LAMA1: variants seen among roughly 807,000 people sequenced by gnomAD.
LAMA1 encodes the protein laminin subunit alpha-1.
Under a neutral mutation model 348.7 loss-of-function variants are expected in LAMA1, and 219 were observed. The observed-to-expected ratio is 0.63, with a 90% CI of 0.56 to 0.70. The LOEUF (loss-of-function observed/expected upper bound fraction) is 0.70. LAMA1 is among the 30% of genes least tolerant of loss of function. The pLI, the probability that LAMA1 is intolerant of heterozygous loss-of-function variation, is 0.00. For synonymous variants in LAMA1, 1,487 were observed against 1,491.0 expected (o/e 1.00, Z 0.06); for missense variants, 3,744 against 3,888.0 (o/e 0.96, Z 0.99).
chr18:7,117,758 G>A lies in LAMA1; in HGVS notation c.-38C>T. The A allele has an allele frequency of 6.3e-7, 1 of 1,574,916 alleles. No individual in the cohort carries two copies. The highest frequency in any genetic ancestry group is 8.6e-7 in the Non-Finnish European group (1 of 1,164,624). On this transcript the variant is annotated 5_prime_UTR_variant, in exon 1 of 63. Transcript: ENST00000389658. ...GCCACTCGGTGGGTCTGGGGAGAAA[G>A]CCGCGCGCCCGCCTGGAACGCTCCA...
At chr18:6,969,143 CTTT>C (rs879261462) in intron 48 of LAMA1, among the ~76,000 whole-genome samples, 1 of 147,100 alleles carries the variant, frequency 6.8e-6, no homozygotes, top group African/African-American at 2.5e-5. Flanking sequence ...TCCAGATGCA[CTTT>C]TTTTTTTTTG....
In LAMA1 at chr18:6,999,892, T is replaced by G. The variant is rs1828894714; in HGVS notation, c.4469+19A>C. 1 of 1,609,404 alleles carries G rather than the reference T, an allele frequency of 6.2e-7. No homozygotes were observed. Among genetic ancestry groups the G allele is most frequent in the African/African-American group, 1.3e-5 (1 of 74,812 alleles). On this transcript the variant is annotated intron_variant, in intron 31 of 62. Transcript: ENST00000389658. The stretch of plus-strand genomic sequence containing the variant: ...AACAGAGTGCCCAGGGATTTCCACA[T>G]GACAATCCACCCATGTACCTTTCAC...
intron 34 of LAMA1, among the ~76,000 whole-genome samples, chr18:6,994,286 C>T (rs1600379496): frequency 1.3e-5 from 2 of 152,158 alleles, no homozygotes; most frequent in Non-Finnish European, 1.5e-5. Flanking sequence ...CTACACAAGA[C>T]GAGAGCCAGG....
In LAMA1 at chr18:7,015,744, T is replaced by C; in HGVS notation, c.3104A>G (p.Tyr1035Cys). 6.2e-7 allele frequency: 1 copy of C among 1,614,110 alleles called. No homozygotes were observed. Among genetic ancestry groups the C allele is most frequent in the Non-Finnish European group, 8.5e-7 (1 of 1,180,018 alleles). The change falls in exon 22 of 63, where the codon TAC becomes TGC. Residue 1035 changes from tyrosine to cysteine, a missense_variant. By Grantham distance (194) the Tyr-to-Cys change is radical. This residue lies in a region of LAMA1 where 1,529 missense variants were observed against 1,689.4 expected (regional missense o/e 0.91). Transcript: ENST00000389658. ...CEECEDGHWG[Y>C]DAEVGCQACN... is the part of the protein sequence containing the mutation. ...CACCTGGCACCCCACCTCCGCATCG[T>C]AGCCCCAGTGCCCATCCTCACATTC...
At position 7,023,144 on chromosome 18, in the gene LAMA1, C is replaced by A; in HGVS notation, c.2701+20G>T. 1.2e-6 allele frequency: 2 copies of A among 1,606,852 alleles called. No individual in the cohort carries two copies. The highest frequency in any genetic ancestry group is 1.7e-6 in the Non-Finnish European group (2 of 1,177,246). On this transcript the variant is annotated intron_variant, in intron 19 of 62. Transcript: ENST00000389658. ...CTATGGCAATAAACAGCTGACCTGA[C>A]TTCACGCTCACGCACTCACCGCGGC...
At chr18:7,002,501 C>T in intron 29 of LAMA1, 116 bp from the exon 30 acceptor site, 1 of 1,172,212 alleles carries the variant, frequency 8.5e-7, no homozygotes. Flanking sequence ...TAAAAATATT[C>T]TTCAGGAAAG....
chr18:7,062,468 C>T (rs1006890069), intron 3 of LAMA1, among the ~76,000 whole-genome samples: 2 of 152,078 alleles, frequency 1.3e-5, no homozygotes, highest in South Asian at 2.1e-4. Flanking sequence ...GTTTGTGCAC[C>T]GTGGTTAAAA....
chr18:6,987,815 A>G (rs771376344), intron 36 of LAMA1, among the ~76,000 whole-genome samples: 2 of 152,234 alleles, frequency 1.3e-5, no homozygotes, highest in Non-Finnish European at 2.9e-5. Context: ...TTTAACGATA[A>G]TAAAGACGTT....
chr18:7,110,968 G>T (rs1281431341), intron 1 of LAMA1, among the ~76,000 whole-genome samples: 8 of 135,832 alleles, frequency 5.9e-5, no homozygotes, highest in African/African-American at 2.5e-4. Flanking sequence ...CACTGCTATT[G>T]TCATAGAGAA....
Position 6,977,806 on chromosome 18 carries a change from T to C in LAMA1, c.6266A>G (p.Lys2089Arg). The change falls in exon 44 of 63, where the codon AAG (lysine) becomes AGG (arginine). Residue 2089 changes from lysine to arginine, a missense_variant. By Grantham distance (26) the Lys-to-Arg change is conservative. Around this residue, in one of 3 missense-constraint regions of LAMA1, gnomAD observed 1,983 missense variants for 1,934.3 expected, o/e 1.03. Transcript: ENST00000389658. ...NLLFDRLKPL[K>R]MLEENLSRNL... is the part of the protein sequence containing the mutation. ...TCTGCTCAGATTCTCCTCTAACATC[T>C]TCAAAGGCTTCAACCGATCAAACAA... is the stretch of plus-strand genomic sequence containing the variant. The C allele has an allele frequency of 6.2e-7, 1 of 1,614,168 alleles. No homozygotes were observed. Among genetic ancestry groups the C allele is most frequent in the Non-Finnish European group, 8.5e-7 (1 of 1,180,034 alleles).
intron 1 of LAMA1, among the ~76,000 whole-genome samples, chr18:7,089,357 CA>C (rs5822941): frequency 0.97 from 148,262 of 152,216 alleles, 72,241 homozygotes; most frequent in East Asian, 1. Flanking sequence ...CCAGCCTGGG[CA>C]AAAAAAACAA....
At chr18:7,081,687 A>G (rs889543408) in intron 1 of LAMA1, among the ~76,000 whole-genome samples, 1 of 152,186 alleles carries the variant, frequency 6.6e-6, no homozygotes, top group African/African-American at 2.4e-5. Context: ...GGATAGCAGC[A>G]GTGAAGATTC....
intron 1 of LAMA1, 51 bp from the exon 2 acceptor site, chr18:7,080,508 T>C: frequency 6.3e-7 from 1 of 1,588,738 alleles, no homozygotes; most frequent in Non-Finnish European, 8.6e-7. Context: ...ATCCAAAGAA[T>C]GAGCTTACCC....
At chr18:7,025,382 C>T (rs1246467301) in intron 17 of LAMA1, among the ~76,000 whole-genome samples, 1 of 152,204 alleles carries the variant, frequency 6.6e-6, no homozygotes, top group Admixed American at 6.5e-5. Context: ...CCTGCACCCA[C>T]CTAGGTAGGC....
In LAMA1 at chr18:7,010,239, C is replaced by T. The variant is rs772627474; in HGVS notation, c.3834G>A (p.Glu1278=). 3 of 1,614,086 alleles carry T rather than the reference C, an allele frequency of 1.9e-6. No homozygotes were observed. The highest frequency in any genetic ancestry group is 2.5e-6 in the Non-Finnish European group (3 of 1,180,044). ...CTTCTTGTTCCTGTCTCACTCCATT[C>T]TCTGGGGCTGGTGCATCCATGTAAA... is the stretch of plus-strand genomic sequence containing the variant. The part of the protein sequence containing the change: ...QVIYMDAPAP[E]NGVRQEQEVA... The change falls in exon 26 of 63, where the codon GAG becomes GAA. Residue 1278 remains glutamate, a synonymous_variant. Coordinates refer to ENST00000389658, the MANE Select transcript of LAMA1 (RefSeq NM_005559.4).
chr18:6,958,865 A>G (rs1004321295), intron 54 of LAMA1, among the ~76,000 whole-genome samples: 2 of 152,188 alleles, frequency 1.3e-5, no homozygotes, highest in Admixed American at 1.3e-4. Context: ...AACGAATGGA[A>G]TGTTATTAAA....
chr18:7,086,142 C>A (rs2058216263), intron 1 of LAMA1, among the ~76,000 whole-genome samples: 1 of 152,194 alleles, frequency 6.6e-6, no homozygotes, highest in Non-Finnish European at 1.5e-5. Context: ...CTGTGCCAGG[C>A]ACCTCCCAGG....
At chr18:6,956,304 T>A (rs566121972) in intron 56 of LAMA1, 30 of 429,310 alleles carry the variant, frequency 7.0e-5, no homozygotes, top group Non-Finnish European at 1.2e-4. Context: ...CACAATGGCT[T>A]TACATGAAGT....
chr18:7,051,122 C>T (rs1418745501), intron 3 of LAMA1, among the ~76,000 whole-genome samples, 186 bp from the exon 4 acceptor site: 1 of 152,028 alleles, frequency 6.6e-6, no homozygotes, highest in Non-Finnish European at 1.5e-5. Flanking sequence ...TAATGCATAC[C>T]AAGTTTCAGT....
Sources: gnomAD v4.1 joint callset for allele counts (sites outside exome capture counted in the v4.1 genomes callset) on GRCh38, gnomAD v4.1.1 for gene constraint, gnomAD v4.1.1 regional missense constraint, MANE v1.5 for transcripts, NCBI Gene and HGNC (gene_info 2026-07-23, HGNC 2026-07-21) for gene names.